SGTA: variants seen among roughly 807,000 people sequenced by gnomAD.
SGTA encodes the protein small glutamine rich tetratricopeptide repeat co-chaperone alpha, also known as small glutamine-rich tetratricopeptide repeat-containing protein alpha.
Under a neutral mutation model 44.3 loss-of-function variants are expected in SGTA, and 22 were observed. The ratio of observed to expected loss-of-function variants is 0.50; its 90% CI spans 0.36 to 0.71. SGTA has a LOEUF of 0.71. Ranked by LOEUF, SGTA falls within the 30% of genes least tolerant of loss-of-function variation. The pLI is 0.00. For missense variants in SGTA, 341 were observed against 435.9 expected (o/e 0.78, Z 1.94); for synonymous variants, 174 against 177.6 (o/e 0.98, Z 0.16).
Position 2,761,592 on chromosome 19 carries a change from C to T in SGTA, c.637-70G>A. On this transcript the variant is annotated intron_variant, in intron 7 of 11. Transcript: ENST00000221566. The surrounding 1 kb of genome is among the most constrained non-coding windows in gnomAD (Gnocchi z 5.7). Reference sequence around the variant, plus strand: ...CCACGGTGAATAACCCCCTGGAACTCAGAAACAACGGCCCCCCACGGGGCT... The same window carrying T: ...CCACGGTGAATAACCCCCTGGAACTTAGAAACAACGGCCCCCCACGGGGCT... 2 of 1,302,840 alleles carry T rather than the reference C, an allele frequency of 1.5e-6. No individual in the cohort carries two copies. Among genetic ancestry groups the T allele is most frequent in the Middle Eastern group, 1.8e-4 (1 of 5,522 alleles). 80.7% of individuals were successfully genotyped at this position (1,302,840 alleles called of 1,614,324 possible). A position where few individuals can be genotyped will look rare whatever the true frequency, so the allele number is the denominator to read the frequency against.
intron 1 of SGTA, among the ~76,000 whole-genome samples, chr19:2,781,491 T>C (rs1424202012): frequency 6.6e-6 from 1 of 152,240 alleles, no homozygotes; most frequent in Non-Finnish European, 1.5e-5. Context: ...GCTGTGTTCC[T>C]ACAAACCTTC....
Position 2,757,570 on chromosome 19 carries a change from G to A in SGTA, c.828-113C>T, listed in dbSNP as rs763623129. The A allele has an allele frequency of 7.3e-5, 108 of 1,473,004 alleles. No homozygotes were observed. The highest frequency in any genetic ancestry group is 9.4e-5 in the Non-Finnish European group (104 of 1,104,142). The allele number at this position is 1,473,004 out of a possible 1,614,324, so 91.2% of individuals were successfully genotyped here. A position where few individuals can be genotyped will look rare whatever the true frequency, so the allele number is the denominator to read the frequency against. ...ACCCCAAAGACAGGCCTGACCCCTC[G>A]CTGGAGGACGCTGGGCCCTTCGGAG... is the stretch of plus-strand genomic sequence containing the variant. On this transcript the variant is annotated intron_variant, in intron 10 of 11. Transcript: ENST00000221566.
At chr19:2,760,517 CAAAAAA>C (rs58836148) in intron 8 of SGTA, among the ~76,000 whole-genome samples, 752 of 51,622 alleles carry the variant, frequency 0.015, 10 homozygotes, top group East Asian at 0.12. Flanking sequence ...GACTCCATCT[CAAAAAA>C]AAAAAAAAAA....
At chr19:2,758,686 G>A (rs182765935) in intron 9 of SGTA, among the ~76,000 whole-genome samples, 5 of 152,316 alleles carry the variant, frequency 3.3e-5, no homozygotes, top group East Asian at 1.9e-4. Flanking sequence ...TTGCACACCC[G>A]TGCTCAAGCA....
At chr19:2,769,233 A>C (rs1264484441) in intron 1 of SGTA, 142 bp from the exon 2 acceptor site, 5 of 600,306 alleles carry the variant, frequency 8.3e-6, no homozygotes, top group African/African-American at 1.8e-5. Flanking sequence ...GAAAGGCCTT[A>C]ATACGCCCAT....
intron 1 of SGTA, among the ~76,000 whole-genome samples, chr19:2,771,163 C>G (rs1227058574): frequency 1.3e-5 from 2 of 152,200 alleles, no homozygotes; most frequent in Non-Finnish European, 1.5e-5. Flanking sequence ...TGGTGGCTCA[C>G]GCCTGTAATC....
chr19:2,757,492 C>T, intron 10 of SGTA, 35 bp from the exon 11 acceptor site: 2 of 1,598,570 alleles, frequency 1.3e-6, no homozygotes, highest in Middle Eastern at 1.7e-4. Flanking sequence ...CAGCCAGGGC[C>T]AGGAGGCTGC....
rs774084867 is a variant in SGTA at position 2,769,109 on chromosome 19, ACCC to A, written c.-23-21_-23-19del. 1.3e-6 allele frequency: 2 copies of A among 1,532,256 alleles called. No homozygotes were observed. The highest frequency in any genetic ancestry group is 3.4e-5 in the Admixed American group (2 of 58,894). 94.9% of individuals were successfully genotyped at this position (1,532,256 alleles called of 1,614,324 possible). A position where few individuals can be genotyped will look rare whatever the true frequency, so the allele number is the denominator to read the frequency against. On this transcript the variant is annotated intron_variant, in intron 1 of 11. Transcript: ENST00000221566. Reference sequence around the variant, plus strand: ...GGTGATACCTGGGGGTGCAGGAAAAACCCCCATCAGGCCCCCTCACACTCCCCA... The same window carrying A: ...GGTGATACCTGGGGGTGCAGGAAAAACCATCAGGCCCCCTCACACTCCCCA...
chr19:2,765,725 T>G lies in SGTA; in HGVS notation c.293-440A>C, dbSNP rs924454209. On this transcript the variant is annotated intron_variant, in intron 4 of 11. Coordinates refer to ENST00000221566, the MANE Select transcript of SGTA (RefSeq NM_003021.4). This position sits in a 1 kb window ranked among gnomAD's most constrained non-coding sequence, Gnocchi z 5.5. Reference sequence around the variant, plus strand: ...TTCTCATTTCATAGGCAATGGGGCTTCTATCTGAGGCATGGGTCCCAGCTG... The same window carrying G: ...TTCTCATTTCATAGGCAATGGGGCTGCTATCTGAGGCATGGGTCCCAGCTG... Among the ~76,000 whole-genome samples, 4 of 152,142 alleles carry G rather than the reference T, an allele frequency of 2.6e-5. No individual in the cohort carries two copies. The highest frequency in any genetic ancestry group is 4.8e-5 in the African/African-American group (2 of 41,404).
intron 2 of SGTA, 130 bp downstream of exon 2, chr19:2,768,839 C>T (rs1915220856): frequency 1.6e-5 from 11 of 697,900 alleles, no homozygotes; most frequent in East Asian, 2.7e-5. Context: ...GACCCCTGCC[C>T]TCTCTGGGCT....
rs535770149 is a variant in SGTA, at chr19:2,765,131, G to A, written c.392+55C>T. The A allele has an allele frequency of 1.3e-4, 162 of 1,271,106 alleles. No individual in the cohort carries two copies. In the African/African-American group the frequency reaches 1.4e-3, roughly 11 times the overall value. 78.7% of individuals were successfully genotyped at this position (1,271,106 alleles called of 1,614,324 possible). ...ATCTCAGGTCCCTGCTAAGCATCCCGGAGGACGCCCCCGCACCCGGCCGCC... is the reference window on the plus strand; with the variant it reads ...ATCTCAGGTCCCTGCTAAGCATCCCAGAGGACGCCCCCGCACCCGGCCGCC... On this transcript the variant is annotated intron_variant, in intron 5 of 11. Coordinates refer to ENST00000221566, the MANE Select transcript of SGTA (RefSeq NM_003021.4). This position sits in a 1 kb window ranked among gnomAD's most constrained non-coding sequence, Gnocchi z 5.5.
At position 2,763,337 on chromosome 19, in the gene SGTA, T is replaced by C. The variant is rs1915055049; in HGVS notation, c.497+316A>G. On this transcript the variant is annotated intron_variant, in intron 6 of 11. Coordinates refer to ENST00000221566, the MANE Select transcript of SGTA (RefSeq NM_003021.4). The surrounding 1 kb of genome is among the most constrained non-coding windows in gnomAD (Gnocchi z 5.8). ...TGTCCTTCATCATAAACCAGGTGCTTCCCTGAGCTCTGTGAGCCGCCCCAG... is the reference window on the plus strand; with the variant it reads ...TGTCCTTCATCATAAACCAGGTGCTCCCCTGAGCTCTGTGAGCCGCCCCAG... Among the ~76,000 whole-genome samples the C allele has an allele frequency of 6.6e-6, 1 of 152,086 alleles. No homozygotes were observed. Among genetic ancestry groups the C allele is most frequent in the Non-Finnish European group, 1.5e-5 (1 of 68,004 alleles).
intron 1 of SGTA, among the ~76,000 whole-genome samples, chr19:2,777,149 G>A (rs1915461891): frequency 6.6e-6 from 1 of 151,708 alleles, no homozygotes. Flanking sequence ...TACTTGGGAG[G>A]CTGAGGCAGG....
chr19:2,757,653 C>T (rs747319771), intron 10 of SGTA, 40 bp downstream of exon 10: 16 of 1,493,728 alleles, frequency 1.1e-5, no homozygotes, highest in Middle Eastern at 1.8e-4. Flanking sequence ...CCCTGCCCGC[C>T]GCCCACGTCC....
chr19:2,771,025 A>T (rs982446575), intron 1 of SGTA, among the ~76,000 whole-genome samples: 5 of 152,206 alleles, frequency 3.3e-5, no homozygotes, highest in African/African-American at 1.2e-4. Context: ...CTCCGCCTCC[A>T]TGTCTGTAAA....
chr19:2,775,947 T>C (rs1915437103), intron 1 of SGTA, among the ~76,000 whole-genome samples: 1 of 151,724 alleles, frequency 6.6e-6, no homozygotes, highest in African/African-American at 2.4e-5. Flanking sequence ...TGGTAATGAG[T>C]TTTCCGCCCC....
chr19:2,779,946 T>C lies in SGTA; in HGVS notation c.-24+3287A>G, dbSNP rs752730805. On this transcript the variant is annotated intron_variant, in intron 1 of 11. Transcript: ENST00000221566. ...CTAAAAAAAAAAAATAGAATTAGCC[T>C]GATGTGGCGGCACACACTAGTAGTC... Among the ~76,000 whole-genome samples, 96 of 151,866 alleles carry C rather than the reference T, an allele frequency of 6.3e-4. 1 individual carries two copies. Among genetic ancestry groups the C allele is most frequent in the Non-Finnish European group, 9.6e-4 (65 of 67,922 alleles).
At position 2,758,100 on chromosome 19, in the gene SGTA, G is replaced by A. The variant is rs534967875; in HGVS notation, c.738-318C>T. ...ATTGGGTTACGCCAAGACAGGGGCA[G>A]GGGGTGCTCCTGGCATGGAGTGGAT... On this transcript the variant is annotated intron_variant, in intron 9 of 11. Coordinates refer to ENST00000221566, the MANE Select transcript of SGTA (RefSeq NM_003021.4). Among the ~76,000 whole-genome samples, 6 of 152,356 alleles carry A rather than the reference G, an allele frequency of 3.9e-5. No homozygotes were observed. In the South Asian group the frequency reaches 1.2e-3, roughly 32 times the overall value.
intron 11 of SGTA, among the ~76,000 whole-genome samples, chr19:2,757,091 G>A (rs1568306438): frequency 6.6e-6 from 1 of 152,172 alleles, no homozygotes; most frequent in Non-Finnish European, 1.5e-5. Flanking sequence ...ATCCACAGAT[G>A]GGAAAGGAGT....
Sources: allele counts gnomAD v4.1 joint callset (sites outside exome capture counted in the v4.1 genomes callset), GRCh38; gene constraint gnomAD v4.1.1; non-coding constraint Gnocchi (gnomAD v3.1); transcripts MANE v1.5; gene names NCBI Gene and HGNC (gene_info 2026-07-23, HGNC 2026-07-21).